CHRM2: variants seen among roughly 807,000 people sequenced by gnomAD.
The protein encoded by CHRM2 is muscarinic acetylcholine receptor M2.
In CHRM2, 8 loss-of-function variants were observed where a neutral mutation model predicts 25.0. That is an observed-to-expected ratio of 0.32 (90% CI 0.19 to 0.58). CHRM2 has a LOEUF of 0.58. Ranked by LOEUF, CHRM2 falls within the 20% of genes least tolerant of loss-of-function variation. The pLI is 0.88. For missense variants in CHRM2, 440 were observed against 567.1 expected (o/e 0.78, Z 2.28); for synonymous variants, 202 against 205.7 (o/e 0.98, Z 0.15).
At chr7:136,931,064 A>C (rs1381596630) in intron 2 of CHRM2, among the ~76,000 whole-genome samples, 2 of 152,116 alleles carry the variant, frequency 1.3e-5, no homozygotes, top group Admixed American at 1.3e-4. Context: ...TACTACTAGG[A>C]TTATTTTGAT....
At chr7:136,984,251 C>T (rs1052600894) in intron 2 of CHRM2, among the ~76,000 whole-genome samples, 3 of 152,180 alleles carry the variant, frequency 2.0e-5, no homozygotes, top group East Asian at 1.9e-4. Flanking sequence ...AGGGGAAAGC[C>T]GCCTACTCAA....
intron 2 of CHRM2, among the ~76,000 whole-genome samples, chr7:136,933,464 C>T (rs374361250): frequency 1.2e-4 from 19 of 152,198 alleles, no homozygotes; most frequent in East Asian, 7.7e-4. Flanking sequence ...GAAAATTGAA[C>T]CATTTACGTT....
intron 2 of CHRM2, among the ~76,000 whole-genome samples, chr7:136,890,598 C>T (rs950328966): frequency 6.6e-6 from 1 of 152,198 alleles, no homozygotes; most frequent in Admixed American, 6.5e-5. Flanking sequence ...TTTATCCTGA[C>T]AGCCAGAAAC....
At chr7:136,915,409 A>T (rs1363808784) in intron 2 of CHRM2, among the ~76,000 whole-genome samples, 1 of 151,916 alleles carries the variant, frequency 6.6e-6, no homozygotes, top group East Asian at 1.9e-4. Flanking sequence ...ATAATGAATC[A>T]TTGATGTGAC....
chr7:136,906,465 G>A (rs116517785), intron 2 of CHRM2, among the ~76,000 whole-genome samples: 61 of 150,820 alleles, frequency 4.0e-4, no homozygotes, highest in Non-Finnish European at 7.7e-4. Context: ...CACACATTTG[G>A]TTTTTTTAAA....
intron 2 of CHRM2, among the ~76,000 whole-genome samples, chr7:136,919,111 A>G (rs1456068686): frequency 3.9e-5 from 6 of 152,098 alleles, no homozygotes; most frequent in Non-Finnish European, 8.8e-5. Flanking sequence ...GACCCCTAAG[A>G]CATGTTATAA....
At chr7:136,955,395 G>A (rs114447889) in intron 2 of CHRM2, among the ~76,000 whole-genome samples, 214 of 152,146 alleles carry the variant, frequency 1.4e-3, no homozygotes, top group African/African-American at 4.8e-3. Context: ...TCTTGTCCTC[G>A]GGTTTTCACA....
chr7:136,962,055 C>T (rs1361835542), intron 2 of CHRM2, among the ~76,000 whole-genome samples: 2 of 152,068 alleles, frequency 1.3e-5, no homozygotes, highest in African/African-American at 4.8e-5. Flanking sequence ...TGGAGGGCCT[C>T]AGACAGACTA....
intron 2 of CHRM2, among the ~76,000 whole-genome samples, chr7:136,895,063 T>G (rs1016427733): frequency 1.3e-5 from 2 of 152,170 alleles, no homozygotes; most frequent in African/African-American, 4.8e-5. Flanking sequence ...TTTTCTAGGG[T>G]TAACAAAGAA....
chr7:136,985,373 G>A (rs1452440166), intron 2 of CHRM2, among the ~76,000 whole-genome samples: 1 of 151,828 alleles, frequency 6.6e-6, no homozygotes, highest in Non-Finnish European at 1.5e-5. Context: ...AGCTGGGTGT[G>A]GTGGCACATG....
chr7:136,877,496 C>T (rs533486807), intron 2 of CHRM2, among the ~76,000 whole-genome samples: 1 of 152,094 alleles, frequency 6.6e-6, no homozygotes, highest in Non-Finnish European at 1.5e-5. Flanking sequence ...TTCCAGAGCT[C>T]CTCTCTGCAT....
At chr7:136,965,036 T>C (rs1343348032) in intron 2 of CHRM2, among the ~76,000 whole-genome samples, 1 of 152,142 alleles carries the variant, frequency 6.6e-6, no homozygotes, top group Non-Finnish European at 1.5e-5. Context: ...ATAAAACAGG[T>C]ATAAATAGTG....
chr7:137,008,035 T>C (rs910222645), intron 3 of CHRM2, among the ~76,000 whole-genome samples: 2 of 152,078 alleles, frequency 1.3e-5, no homozygotes, highest in African/African-American at 4.8e-5. Flanking sequence ...TACAATAGCA[T>C]ATGGATTATA....
chr7:136,909,633 A>G (rs186948442), intron 2 of CHRM2, among the ~76,000 whole-genome samples: 86 of 152,028 alleles, frequency 5.7e-4, no homozygotes, highest in African/African-American at 1.9e-3. Context: ...TGCTGTATGT[A>G]TATATGTACA....
chr7:136,918,474 C>T (rs556155029), intron 2 of CHRM2, among the ~76,000 whole-genome samples: 6 of 152,194 alleles, frequency 3.9e-5, no homozygotes, highest in South Asian at 2.1e-4. Context: ...ATTCATACTC[C>T]TGTGTTCACC....
chr7:136,969,950 TCAGTTC>T (rs745722010), intron 2 of CHRM2, among the ~76,000 whole-genome samples: 2 of 152,176 alleles, frequency 1.3e-5, no homozygotes, highest in Non-Finnish European at 2.9e-5. Context: ...TTAGGCCAAT[TCAGTTC>T]CTGGTGAGGG....
chr7:136,993,157 T>C (rs542273397), intron 3 of CHRM2, among the ~76,000 whole-genome samples: 1 of 152,304 alleles, frequency 6.6e-6, no homozygotes, highest in African/African-American at 2.4e-5. Context: ...GAGGTATTTT[T>C]ATTCATAGAA....
At chr7:136,979,978 G>A (rs2130968117) in intron 2 of CHRM2, among the ~76,000 whole-genome samples, 1 of 152,268 alleles carries the variant, frequency 6.6e-6, no homozygotes, top group South Asian at 2.1e-4. Flanking sequence ...CTAATTCTGT[G>A]AAGAAAGTCA....
chr7:136,893,519 T>C (rs1170877543), intron 2 of CHRM2, among the ~76,000 whole-genome samples: 2 of 152,166 alleles, frequency 1.3e-5, no homozygotes, highest in Admixed American at 6.5e-5. Flanking sequence ...GATAACTTCC[T>C]CCTCACTAGA....
Sources: gnomAD v4.1 joint callset for allele counts (sites outside exome capture counted in the v4.1 genomes callset) on GRCh38, gnomAD v4.1.1 for gene constraint, MANE v1.5 for transcripts, NCBI Gene and HGNC (gene_info 2026-07-23, HGNC 2026-07-21) for gene names.